NALCN: variants seen among roughly 807,000 people sequenced by gnomAD.
The protein encoded by NALCN is sodium leak channel, non-selective.
Under a neutral mutation model 225.3 loss-of-function variants are expected in NALCN, and 111 were observed. The observed-to-expected ratio is 0.49, with a 90% confidence interval of 0.42 to 0.58. The LOEUF is 0.58. NALCN is among the 20% of genes least tolerant of loss of function. The probability of loss-of-function intolerance (pLI) is 0.00; values close to 1 mark genes in which losing one functional copy is unlikely to be tolerated. For synonymous variants in NALCN, 764 were observed against 769.0 expected (o/e 0.99, Z 0.11); for missense variants, 1,378 against 2,202.4 (o/e 0.63, Z 7.49).
At chr13:101,353,204 A>G (rs1177472151) in intron 6 of NALCN, among the ~76,000 whole-genome samples, 2 of 152,226 alleles carry the variant, frequency 1.3e-5, no homozygotes, top group African/African-American at 4.8e-5. Flanking sequence ...AATAATGAAT[A>G]TAGCCTTTGA....
intron 10 of NALCN, among the ~76,000 whole-genome samples, chr13:101,276,189 G>T (rs1286388124): frequency 6.6e-6 from 1 of 152,016 alleles, no homozygotes; most frequent in Non-Finnish European, 1.5e-5. Flanking sequence ...CAGAGGATGG[G>T]AGGGGGTTTT....
chr13:101,169,618 C>T (rs2038619328), intron 15 of NALCN, among the ~76,000 whole-genome samples: 1 of 152,196 alleles, frequency 6.6e-6, no homozygotes, highest in African/African-American at 2.4e-5. Flanking sequence ...ATCCAATCCA[C>T]ACCTAGATAT....
intron 11 of NALCN, among the ~76,000 whole-genome samples, chr13:101,249,935 T>A (rs1238340786): frequency 6.6e-6 from 1 of 151,988 alleles, no homozygotes; most frequent in Admixed American, 6.6e-5. Flanking sequence ...TAATTAGACG[T>A]GGAAAGACAA....
At chr13:101,142,871 G>C in intron 17 of NALCN, 1 of 584,496 alleles carries the variant, frequency 1.7e-6, no homozygotes, top group Non-Finnish European at 2.9e-6. Flanking sequence ...GCCACGTGGC[G>C]CAGCTCAAAA....
At chr13:101,264,864 A>G (rs1303041892) in intron 10 of NALCN, among the ~76,000 whole-genome samples, 1 of 152,202 alleles carries the variant, frequency 6.6e-6, no homozygotes, top group Non-Finnish European at 1.5e-5. Context: ...GGCTTCATAA[A>G]AACAAAAGCA....
intron 1 of NALCN, among the ~76,000 whole-genome samples, chr13:101,414,694 T>C (rs1566668527): frequency 6.6e-6 from 1 of 152,228 alleles, no homozygotes; most frequent in African/African-American, 2.4e-5. Flanking sequence ...TTTAAGTACA[T>C]TTCTCCTTTG....
chr13:101,249,916 G>A (rs1404014400), intron 11 of NALCN, among the ~76,000 whole-genome samples: 3 of 152,034 alleles, frequency 2.0e-5, no homozygotes, highest in East Asian at 3.8e-4. Flanking sequence ...AAAAAAATCA[G>A]AGATATGATA....
chr13:101,339,218 C>T (rs1824765397), intron 7 of NALCN, among the ~76,000 whole-genome samples: 1 of 152,166 alleles, frequency 6.6e-6, no homozygotes, highest in African/African-American at 2.4e-5. Flanking sequence ...AGGATGTTGT[C>T]AATCCCCAAA....
intron 3 of NALCN, among the ~76,000 whole-genome samples, chr13:101,386,256 T>C (rs929584903): frequency 6.6e-6 from 1 of 152,198 alleles, no homozygotes; most frequent in Non-Finnish European, 1.5e-5. Context: ...TTTTCCCATA[T>C]AAATTAGTGA....
chr13:101,167,460 C>G (rs975582499), intron 15 of NALCN, among the ~76,000 whole-genome samples: 5 of 152,142 alleles, frequency 3.3e-5, no homozygotes, highest in East Asian at 1.9e-4. Context: ...TTTCAAGTTA[C>G]TATGAGTGTT....
chr13:101,328,912 T>G lies in NALCN; in HGVS notation c.799+16354A>C, dbSNP rs112167736. 1.9e-3 allele frequency among the ~76,000 whole-genome samples: 288 copies of G among 152,320 alleles called. 1 individual carries two copies. The highest frequency in any genetic ancestry group is 6.5e-3 in the African/African-American group (270 of 41,574). The stretch of plus-strand genomic sequence containing the variant: ...TCCACAGAATACTCACTATTGTAGC[T>G]CTACCCCATGACAGGTGAATATAAT... On this transcript the variant is annotated intron_variant, in intron 7 of 43. Transcript: ENST00000251127.
intron 7 of NALCN, among the ~76,000 whole-genome samples, chr13:101,334,487 A>AGAGAGGCAATC (rs1397517087): frequency 2.6e-5 from 4 of 151,940 alleles, no homozygotes; most frequent in Admixed American, 6.5e-5. Context: ...AAGAGAATGG[A>AGAGAGGCAATC]CTGCCAGTGT....
chr13:101,211,576 A>T (rs1434795392), intron 13 of NALCN, among the ~76,000 whole-genome samples: 1 of 151,890 alleles, frequency 6.6e-6, no homozygotes, highest in African/African-American at 2.4e-5. Flanking sequence ...AAAAAACCCT[A>T]ATGTTATAGT....
At position 101,055,366 on chromosome 13, in the gene NALCN, C is replaced by A. The variant is rs2031084243; in HGVS notation, c.5146G>T (p.Val1716Phe). The A allele has an allele frequency of 6.2e-7, 1 of 1,614,092 alleles. No individual in the cohort carries two copies. Among genetic ancestry groups the A allele is most frequent in the African/African-American group, 1.3e-5 (1 of 74,936 alleles). ...MTDAASCGSE[V>F]KKWWTRQLTV... Reference sequence around the variant, plus strand: ...AGCTGCCGGGTCCACCACTTCTTAACTTCAGAACCGCAGGAAGCCGCGTCA... The same window carrying A: ...AGCTGCCGGGTCCACCACTTCTTAAATTCAGAACCGCAGGAAGCCGCGTCA... The change falls in exon 44 of 44, where the codon GTT (valine) becomes TTT (phenylalanine). Residue 1716 changes from valine to phenylalanine, a missense_variant. Val to Phe is a conservative substitution (Grantham distance 50). Transcript: ENST00000251127.
At chr13:101,203,999 G>T (rs531451140) in intron 13 of NALCN, among the ~76,000 whole-genome samples, 1 of 152,292 alleles carries the variant, frequency 6.6e-6, no homozygotes, top group Non-Finnish European at 1.5e-5. Flanking sequence ...GCTCTATGTC[G>T]TAAGTCATCA....
chr13:101,210,908 T>A lies in NALCN; in HGVS notation c.1626+18485A>T, dbSNP rs58428636. On this transcript the variant is annotated intron_variant, in intron 13 of 43. Coordinates refer to ENST00000251127, the MANE Select transcript of NALCN (RefSeq NM_052867.4). ...ATTGATAGGAAATTGTGGGTAGCCA[T>A]GAGAGACTGACAATAGAGTCTCACT... Among the ~76,000 whole-genome samples the A allele has an allele frequency of 2.3e-3, 351 of 152,334 alleles. 4 individuals are homozygous for A. The highest frequency in any genetic ancestry group is 8.1e-3 in the African/African-American group (335 of 41,588).
At chr13:101,189,410 G>C (rs577753660) in intron 14 of NALCN, among the ~76,000 whole-genome samples, 1 of 152,080 alleles carries the variant, frequency 6.6e-6, no homozygotes, top group Non-Finnish European at 1.5e-5. Flanking sequence ...TGCACAAACC[G>C]TCTTATCTAC....
intron 13 of NALCN, among the ~76,000 whole-genome samples, chr13:101,208,845 G>A (rs114504170): frequency 7.6e-4 from 116 of 152,304 alleles, no homozygotes; most frequent in African/African-American, 2.7e-3. Context: ...GAAGCTTGCT[G>A]AGGCCTCACA....
intron 22 of NALCN, 55 bp downstream of exon 22, chr13:101,107,432 C>T: frequency 3.1e-6 from 5 of 1,611,476 alleles, no homozygotes; most frequent in Non-Finnish European, 3.4e-6. Context: ...ATGACAACAC[C>T]CCTGCTGTTT....
Sources: gnomAD v4.1 joint callset for allele counts (sites outside exome capture counted in the v4.1 genomes callset) on GRCh38, gnomAD v4.1.1 for gene constraint, MANE v1.5 for transcripts, NCBI Gene and HGNC (gene_info 2026-07-23, HGNC 2026-07-21) for gene names.